Variants in CFAP74 observed in about 807,000 individuals in gnomAD.
CFAP74 encodes cilia- and flagella-associated protein 74.
Under a neutral mutation model 188.9 loss-of-function variants are expected in CFAP74, and 124 were observed. That is an observed-to-expected ratio of 0.66 (90% CI 0.57 to 0.76). The LOEUF (loss-of-function observed/expected upper bound fraction) is 0.76, where lower values mean the gene tolerates loss of function less well. Among genes scored for constraint, CFAP74 ranks in the 30% least tolerant of loss-of-function variants. The probability of loss-of-function intolerance (pLI) is 0.00; values close to 1 mark genes in which losing one functional copy is unlikely to be tolerated. For synonymous variants in CFAP74, 956 were observed against 916.7 expected, an observed-to-expected ratio of 1.04 and a Z score of -0.77; for missense variants, 2,198 against 2,165.2, an observed-to-expected ratio of 1.02 and a Z score of -0.30.
At position 1,988,565 on chromosome 1, in the gene CFAP74, C is replaced by T; in HGVS notation, c.243G>A (p.Leu81=). The T allele has an allele frequency of 6.2e-7, 1 of 1,613,524 alleles. No homozygotes were observed. Among genetic ancestry groups the T allele is most frequent in the Non-Finnish European group, 8.5e-7 (1 of 1,180,034 alleles). ...CCTCATGCATCTTATCCAGGGCGCT[C>T]AGGTTCTGCCGCAGGTGAAATGCCT... The part of the protein sequence containing the change: ...RTQAFHLRQN[L]SALDKMHEEQ... The change falls in exon 4 of 39, where the codon CTG becomes CTA. Residue 81 remains leucine (L), a synonymous_variant. Transcript: ENST00000682832.
At chr1:1,983,471 G>A (rs558022565) in intron 6 of CFAP74, among the ~76,000 whole-genome samples, 10 of 152,322 alleles carry the variant, frequency 6.6e-5, no homozygotes, top group African/African-American at 2.2e-4. Flanking sequence ...GGCGCTGTGC[G>A]GGACAGCCCC....
At chr1:1,941,797 C>G (rs563352792) in intron 22 of CFAP74, among the ~76,000 whole-genome samples, 4 of 152,292 alleles carry the variant, frequency 2.6e-5, no homozygotes, top group Admixed American at 2.6e-4. Context: ...AACCTCTGTA[C>G]AAAAAAATGA....
intron 18 of CFAP74, among the ~76,000 whole-genome samples, chr1:1,948,412 A>ATAT (rs1653930331): frequency 5.5e-5 from 8 of 144,408 alleles, no homozygotes; most frequent in Admixed American, 4.2e-4. Context: ...GGCATATATA[A>ATAT]ATATATATAT....
In CFAP74 at chr1:1,988,557, A is replaced by G. The variant is rs1344918374; in HGVS notation, c.251T>C (p.Leu84Pro). 1 of 1,613,438 alleles carries G rather than the reference A, an allele frequency of 6.2e-7. No homozygotes were observed. Among genetic ancestry groups the G allele is most frequent in the South Asian group, 1.1e-5 (1 of 91,080 alleles). Residue 84 changes from leucine (L) to proline (P), a missense_variant, in exon 4 of 39, where the codon CTG becomes CCG. Coordinates refer to ENST00000682832, the MANE Select transcript of CFAP74 (RefSeq NM_001304360.2). ...AFHLRQNLSA[L>P]DKMHEEQELF... is the part of the protein sequence containing the mutation. ...CTCTTGCTCCTCATGCATCTTATCCAGGGCGCTCAGGTTCTGCCGCAGGTG... is the reference window on the plus strand; with the variant it reads ...CTCTTGCTCCTCATGCATCTTATCCGGGGCGCTCAGGTTCTGCCGCAGGTG...
chr1:1,971,165 ATGCACACC>A (rs1254574952), intron 9 of CFAP74, among the ~76,000 whole-genome samples: 1 of 150,936 alleles, frequency 6.6e-6, no homozygotes, highest in Non-Finnish European at 1.5e-5. Flanking sequence ...CTGGACACAC[ATGCACACC>A]TGCACACACG....
intron 26 of CFAP74, among the ~76,000 whole-genome samples, chr1:1,929,507 G>A (rs532109223): frequency 9.3e-5 from 14 of 149,936 alleles, no homozygotes; most frequent in Non-Finnish European, 1.9e-4. Flanking sequence ...AGTGGCTTTC[G>A]CTAAGTTGAA....
rs1353228722 is a variant in CFAP74, at chr1:1,985,483, C to T, written c.403G>A (p.Val135Met). The T allele has an allele frequency of 4.3e-6, 7 of 1,613,692 alleles. No homozygotes were observed. Among genetic ancestry groups the T allele is most frequent in the East Asian group, 2.2e-5 (1 of 44,880 alleles). ...TEEEAGNMAA[V>M]GRLQAVSRRL... ...CTGGACACGGCCTGGAGGCGGCCCACAGCGGCCCTGCAGTGGTGAACGGAC... is the reference window on the plus strand; with the variant it reads ...CTGGACACGGCCTGGAGGCGGCCCATAGCGGCCCTGCAGTGGTGAACGGAC... The change falls in exon 6 of 39, where the codon GTG (valine) becomes ATG (methionine). Residue 135 changes from valine (V) to methionine (M), a missense_variant. Val to Met is a conservative substitution (Grantham distance 21, BLOSUM62 1). Coordinates refer to ENST00000682832, the MANE Select transcript of CFAP74 (RefSeq NM_001304360.2).
intron 18 of CFAP74, among the ~76,000 whole-genome samples, chr1:1,948,964 TCCTTCC>T (rs1174577360): frequency 2.1e-4 from 11 of 51,756 alleles, no homozygotes; most frequent in African/African-American, 3.5e-4. Context: ...CTTACTCCCT[TCCTTCC>T]TCCTTCCCTC....
intron 1 of CFAP74, among the ~76,000 whole-genome samples, chr1:1,997,418 G>A (rs1283734363): frequency 4.1e-5 from 6 of 146,004 alleles, no homozygotes; most frequent in Admixed American, 1.4e-4. Context: ...GCGAAACTCC[G>A]TCTCAAAAAA....
At position 1,970,873 on chromosome 1, in the gene CFAP74, G is replaced by A. The variant is rs1432853927; in HGVS notation, c.889-57C>T. On this transcript the variant is annotated intron_variant, in intron 9 of 38. Coordinates refer to ENST00000682832, the MANE Select transcript of CFAP74 (RefSeq NM_001304360.2). ...GCAGCACCCACGGGCACATGCACAC[G>A]CTCACACCTGCACATGTGCACACAC... The A allele has an allele frequency of 2.5e-5, 40 of 1,592,170 alleles. No individual in the cohort carries two copies. In the Middle Eastern group the frequency reaches 8.3e-4, roughly 33 times the overall value.
intron 25 of CFAP74, among the ~76,000 whole-genome samples, chr1:1,933,700 A>G (rs1652597569): frequency 1.3e-5 from 2 of 152,118 alleles, no homozygotes; most frequent in Non-Finnish European, 2.9e-5. Flanking sequence ...TGCTGGGGGT[A>G]ATGAATTTTA....
chr1:1,991,805 C>CG (rs1181896464), intron 1 of CFAP74, among the ~76,000 whole-genome samples: 3 of 151,976 alleles, frequency 2.0e-5, no homozygotes, highest in Admixed American at 6.6e-5. Context: ...TTTGGGAGGC[C>CG]AAGGTGGGCG....
At chr1:1,945,504 G>C (rs1429190920) in intron 20 of CFAP74, among the ~76,000 whole-genome samples, 1 of 152,098 alleles carries the variant, frequency 6.6e-6, no homozygotes, top group Non-Finnish European at 1.5e-5. Context: ...GGGTGCATAG[G>C]GGGTGCAGAG....
At position 1,966,808 on chromosome 1, in the gene CFAP74, C is replaced by T. The variant is rs567288606; in HGVS notation, c.1246-282G>A. ...CTAATTCACGGACTGGCATCCTTGG[C>T]GCCGATCCTCAGGCACTCATCTGTT... On this transcript the variant is annotated intron_variant, in intron 11 of 38. Coordinates refer to ENST00000682832, the MANE Select transcript of CFAP74 (RefSeq NM_001304360.2). 2.5e-4 allele frequency among the ~76,000 whole-genome samples: 38 copies of T among 151,674 alleles called. No individual in the cohort carries two copies. In the East Asian group the frequency reaches 4.8e-3, roughly 19 times the overall value.
chr1:1,939,097 C>T (rs1406198258), intron 24 of CFAP74, 109 bp from the exon 25 acceptor site: 20 of 1,177,466 alleles, frequency 1.7e-5, no homozygotes, highest in Non-Finnish European at 2.3e-5. Context: ...CGTGTGTGAG[C>T]GAATGTGAGG....
At position 1,960,048 on chromosome 1, in the gene CFAP74, T is replaced by C; in HGVS notation, c.1695-18A>G. On this transcript the variant is annotated intron_variant, in intron 14 of 38. Transcript: ENST00000682832. ...GGTCAAAGCTGCAGGACGTGACCCA[T>C]AGCACACGGGGGTTAGTGCTGCGGA... The C allele has an allele frequency of 1.3e-6, 2 of 1,592,964 alleles. No homozygotes were observed. The highest frequency in any genetic ancestry group is 1.7e-6 in the Non-Finnish European group (2 of 1,170,340).
chr1:1,988,398 C>T, intron 4 of CFAP74, 114 bp downstream of exon 4: 1 of 1,345,096 alleles, frequency 7.4e-7, no homozygotes, highest in Non-Finnish European at 1.0e-6. Context: ...CTGTGCGACC[C>T]TCCCTTGCAG....
intron 1 of CFAP74, 82 bp from the exon 2 acceptor site, chr1:1,991,057 G>T: frequency 1.0e-6 from 1 of 962,674 alleles, no homozygotes; most frequent in Non-Finnish European, 1.6e-6. Flanking sequence ...CTTAAAGAAG[G>T]CATTAAGAAA....
rs1651547997 is a variant in CFAP74 at position 1,923,378 on chromosome 1, C to T, written c.4511G>A (p.Arg1504Lys). 3 of 1,576,594 alleles carry T rather than the reference C, an allele frequency of 1.9e-6. No individual in the cohort carries two copies. Among genetic ancestry groups the T allele is most frequent in the Non-Finnish European group, 8.6e-7 (1 of 1,161,774 alleles). Residue 1504 changes from arginine (R) to lysine (K), a missense_variant, in exon 36 of 39, where the codon AGG becomes AAG. Physicochemically the swap from Arg to Lys is conservative, Grantham distance 26. Coordinates refer to ENST00000682832, the MANE Select transcript of CFAP74 (RefSeq NM_001304360.2). The surrounding 1 kb of genome is among the most constrained non-coding windows in gnomAD (Gnocchi z 6.3). Reference sequence around the variant, plus strand: ...GGGGAGGGGCTCACCCTCTCTGTGCCTGGGGTCAAATACAGGGATCGCTGT... The same window carrying T: ...GGGGAGGGGCTCACCCTCTCTGTGCTTGGGGTCAAATACAGGGATCGCTGT... ...SLTAIPVFDP[R>K]HREASSRPGP...
Sources: gnomAD v4.1 joint callset for allele counts (sites outside exome capture counted in the v4.1 genomes callset) on GRCh38, gnomAD v4.1.1 for gene constraint, Gnocchi (gnomAD v3.1) non-coding constraint, MANE v1.5 for transcripts, NCBI Gene and HGNC (gene_info 2026-07-23, HGNC 2026-07-21) for gene names.